The following PCNX1 variants were observed in gnomAD, a reference collection of about 807,000 sequenced individuals.
The protein encoded by PCNX1 is pecanex 1, also known as pecanex-like protein 1.
A neutral mutation model predicts 242.2 loss-of-function variants in PCNX1; 78 were observed. That is an observed-to-expected ratio of 0.32 (90% CI 0.27 to 0.39). The LOEUF is 0.39. Ranked by LOEUF, PCNX1 falls within the 10% of genes least tolerant of loss-of-function variation. PCNX1 has a pLI of 1.00. For missense variants in PCNX1, 2,581 were observed against 2,856.5 expected (o/e 0.90, Z 2.20); for synonymous variants, 1,024 against 1,032.9 (o/e 0.99, Z 0.17).
chr14:71,046,133 C>G (rs906120760), intron 20 of PCNX1, among the ~76,000 whole-genome samples: 3 of 151,948 alleles, frequency 2.0e-5, no homozygotes, highest in African/African-American at 7.2e-5. Context: ...CCTTTGAAAG[C>G]TTCCTAATAA....
intron 11 of PCNX1, among the ~76,000 whole-genome samples, chr14:71,015,857 A>C (rs2059949513): frequency 6.6e-6 from 1 of 152,100 alleles, no homozygotes; most frequent in Non-Finnish European, 1.5e-5. Context: ...ATAAAAAAGA[A>C]CAACACTCAA....
chr14:71,057,832 T>C, intron 26 of PCNX1, 108 bp downstream of exon 26: 1 of 785,718 alleles, frequency 1.3e-6, no homozygotes, highest in Non-Finnish European at 2.1e-6. Context: ...ATATTTGGGA[T>C]TGTGGAATGA....
intron 30 of PCNX1, among the ~76,000 whole-genome samples, chr14:71,090,232 C>T (rs982360038): frequency 3.3e-5 from 5 of 152,174 alleles, no homozygotes; most frequent in Non-Finnish European, 5.9e-5. Context: ...CCCCACAATG[C>T]ATTTCTAAAG....
At chr14:70,969,297 T>TC in intron 5 of PCNX1, 187 bp downstream of exon 5, 1 of 516,346 alleles carries the variant, frequency 1.9e-6, no homozygotes, top group Non-Finnish European at 3.5e-6. Context: ...TTACTTGAAC[T>TC]CAGTTATACA....
At chr14:70,996,650 G>T (rs1440341537) in intron 8 of PCNX1, among the ~76,000 whole-genome samples, 1 of 152,078 alleles carries the variant, frequency 6.6e-6, no homozygotes, top group Non-Finnish European at 1.5e-5. Flanking sequence ...TAGCTGTCTT[G>T]TTCTCAGAAT....
chr14:71,098,892 G>T (rs1386625036), intron 30 of PCNX1, among the ~76,000 whole-genome samples: 1 of 152,106 alleles, frequency 6.6e-6, no homozygotes, highest in Admixed American at 6.6e-5. Context: ...TCTCAAGGGG[G>T]ATGCTTCCAG....
At chr14:70,910,524 A>G (rs1336799950) in intron 1 of PCNX1, among the ~76,000 whole-genome samples, 1 of 151,862 alleles carries the variant, frequency 6.6e-6, no homozygotes, top group Non-Finnish European at 1.5e-5. Context: ...CTCTGTCTGG[A>G]TGACTCCTCT....
At chr14:70,943,034 T>A (rs1372784860) in intron 1 of PCNX1, 1 of 153,812 alleles carries the variant, frequency 6.5e-6, no homozygotes, top group Non-Finnish European at 1.4e-5. Flanking sequence ...TTGCCATGAT[T>A]GTAAGTTTCC....
chr14:70,947,240 C>A, intron 2 of PCNX1, 117 bp downstream of exon 2: 2 of 736,132 alleles, frequency 2.7e-6, no homozygotes, highest in Non-Finnish European at 4.6e-6. Context: ...AGTGTTAGAT[C>A]TTACCACTGT....
chr14:71,098,142 T>A (rs1352645964), intron 30 of PCNX1, among the ~76,000 whole-genome samples: 1 of 152,212 alleles, frequency 6.6e-6, no homozygotes, highest in Non-Finnish European at 1.5e-5. Flanking sequence ...TCCATTGGTC[T>A]GTATGTCTGT....
rs146496149 is a variant in PCNX1 at position 70,947,202 on chromosome 14, A to G, written c.362+79A>G. 14 of 1,079,898 alleles carry G rather than the reference A, an allele frequency of 1.3e-5. No homozygotes were observed. The East Asian group carries it at 3.3e-4, about 26-fold the overall frequency. 66.9% of individuals were successfully genotyped at this position (1,079,898 alleles called of 1,614,324 possible). Reference sequence around the variant, plus strand: ...TATAATGATGTGATTATTATATTGTACTTGTTTTCTTTATATGGTTTTAAG... The same window carrying G: ...TATAATGATGTGATTATTATATTGTGCTTGTTTTCTTTATATGGTTTTAAG... On this transcript the variant is annotated intron_variant, in intron 2 of 35. Transcript: ENST00000304743.
At chr14:70,969,612 A>G (rs867194675) in intron 5 of PCNX1, among the ~76,000 whole-genome samples, 1 of 152,194 alleles carries the variant, frequency 6.6e-6, no homozygotes, top group African/African-American at 2.4e-5. Context: ...TTGGAATTAC[A>G]GTACCCTATC....
At position 71,109,899 on chromosome 14, in the gene PCNX1, T is replaced by C. The variant is rs749329777; in HGVS notation, c.6990T>C (p.Ile2330=). Residue 2330 remains isoleucine, a synonymous_variant, in exon 36 of 36, where the codon ATT becomes ATC. Transcript: ENST00000304743. ...TTGATGATAAATATGTGACTGTAATTGAAACTGGGGTACTAGAACTTGGGG... is the reference window on the plus strand; with the variant it reads ...TTGATGATAAATATGTGACTGTAATCGAAACTGGGGTACTAGAACTTGGGG... ...VQIDDKYVTV[I]ETGVLELGAE... The C allele has an allele frequency of 1.2e-6, 2 of 1,613,372 alleles. No individual in the cohort carries two copies. The highest frequency in any genetic ancestry group is 1.7e-6 in the Non-Finnish European group (2 of 1,179,374).
At position 70,995,749 on chromosome 14, in the gene PCNX1, A is replaced by T; in HGVS notation, c.2453A>T (p.Asp818Val). The T allele has an allele frequency of 6.2e-7, 1 of 1,613,780 alleles. No homozygotes were observed. Among genetic ancestry groups the T allele is most frequent in the Non-Finnish European group, 8.5e-7 (1 of 1,179,882 alleles). Reference protein sequence around the residue: ...LLIGSPLSLQDGQQGQQSTAQ... With the variant: ...LLIGSPLSLQVGQQGQQSTAQ... ...TCCATGTTTTTTCCTAGCCTTCAAG[A>T]TGGTCAGCAAGGCCAGCAGTCCACA... Residue 818 changes from aspartate to valine, a missense_variant, in exon 8 of 36, where the codon GAT (aspartate) becomes GTT (valine). By Grantham distance (152) the Asp-to-Val change is radical (BLOSUM62 -3). Around this residue, in one of 9 missense-constraint regions of PCNX1, gnomAD observed 1,204 missense variants for 1,216.7 expected, o/e 0.99. Transcript: ENST00000304743.
intron 25 of PCNX1, 79 bp downstream of exon 25, chr14:71,055,641 T>A: frequency 8.7e-6 from 7 of 800,416 alleles, no homozygotes; most frequent in Non-Finnish European, 1.4e-5. Context: ...ACTCCTAACT[T>A]GTTGGGAATC....
At chr14:70,944,312 T>C (rs768264693) in intron 1 of PCNX1, among the ~76,000 whole-genome samples, 18 of 152,190 alleles carry the variant, frequency 1.2e-4, no homozygotes, top group Non-Finnish European at 2.6e-4. Context: ...GCCCACGTCT[T>C]GCATCAGTGA....
chr14:70,916,797 C>T (rs2056169867), intron 1 of PCNX1, among the ~76,000 whole-genome samples: 1 of 152,152 alleles, frequency 6.6e-6, no homozygotes, highest in Non-Finnish European at 1.5e-5. Flanking sequence ...ATGAAGTTTG[C>T]AGCATCAATT....
chr14:70,923,902 C>T (rs1378520855), intron 1 of PCNX1, among the ~76,000 whole-genome samples: 2 of 152,060 alleles, frequency 1.3e-5, no homozygotes, highest in Non-Finnish European at 2.9e-5. Context: ...AATAGGATTG[C>T]TTTGTCAAAG....
chr14:71,043,928 C>A (rs949792391), intron 19 of PCNX1, among the ~76,000 whole-genome samples: 2 of 152,156 alleles, frequency 1.3e-5, no homozygotes, highest in Non-Finnish European at 2.9e-5. Flanking sequence ...ACATTGATAT[C>A]TGCACATCTG....
Sources: gnomAD v4.1 joint callset for allele counts (sites outside exome capture counted in the v4.1 genomes callset) on GRCh38, gnomAD v4.1.1 for gene constraint, gnomAD v4.1.1 regional missense constraint, MANE v1.5 for transcripts, NCBI Gene and HGNC (gene_info 2026-07-23, HGNC 2026-07-21) for gene names.